Variants in ZMYM1 observed in about 807,000 individuals in gnomAD.
ZMYM1 encodes zinc finger MYM-type containing 1.
Under a neutral mutation model 60.0 loss-of-function variants are expected in ZMYM1, and 39 were observed. That is an observed-to-expected ratio of 0.65 (90% CI 0.50 to 0.85). The LOEUF (loss-of-function observed/expected upper bound fraction) is 0.85, where lower values mean the gene tolerates loss of function less well. ZMYM1 is among the 40% of genes least tolerant of loss of function. The pLI, the probability that ZMYM1 is intolerant of heterozygous loss-of-function variation, is 0.00. For missense variants in ZMYM1, 1,171 were observed against 1,309.5 expected (o/e 0.89, Z 1.63); for synonymous variants, 413 against 454.0 (o/e 0.91, Z 1.15).
chr1:35,065,233 C>T (rs1482817234), intron 1 of ZMYM1, among the ~76,000 whole-genome samples: 2 of 151,676 alleles, frequency 1.3e-5, no homozygotes, highest in Admixed American at 1.3e-4. Flanking sequence ...ACAACCTACT[C>T]TGCCTGAAGA....
chr1:35,110,222 G>T, intron 6 of ZMYM1, 72 bp from the exon 7 acceptor site: 1 of 1,137,774 alleles, frequency 8.8e-7, no homozygotes, highest in Non-Finnish European at 1.2e-6. Flanking sequence ...TAAAAGCAGT[G>T]GTAATAGGTT....
intron 1 of ZMYM1, among the ~76,000 whole-genome samples, chr1:35,088,096 C>T (rs1303352151): frequency 6.6e-6 from 1 of 151,240 alleles, no homozygotes; most frequent in Admixed American, 6.6e-5. Context: ...GTTGTCTGCT[C>T]TTATCATATT....
At chr1:35,079,234 G>C (rs907147826), upstream of ZMYM1, 2 of 152,142 alleles carry the variant, frequency 1.3e-5, 1 homozygote, top group East Asian at 3.9e-4. Context: ...GATCCTATGC[G>C]GGCCGTAAGG....
intron 1 of ZMYM1, among the ~76,000 whole-genome samples, chr1:35,063,609 TA>T (rs1641913978): frequency 1.3e-5 from 2 of 152,248 alleles, no homozygotes; most frequent in South Asian, 4.2e-4. Flanking sequence ...AGCTTCTATC[TA>T]AATTCTATCG....
chr1:35,066,434 G>C (rs746987199), intron 1 of ZMYM1, among the ~76,000 whole-genome samples: 17 of 152,174 alleles, frequency 1.1e-4, no homozygotes, highest in African/African-American at 1.7e-4. Context: ...CTGATCTCAG[G>C]TGATCCACCT....
intron 4 of ZMYM1, among the ~76,000 whole-genome samples, chr1:35,099,400 G>A (rs933362898): frequency 6.6e-6 from 1 of 152,240 alleles, no homozygotes; most frequent in Admixed American, 6.5e-5. Context: ...ATCTTCAGCA[G>A]ATGTCCCAGA....
intron 1 of ZMYM1, among the ~76,000 whole-genome samples, chr1:35,091,492 C>T (rs1353020045): frequency 6.6e-6 from 1 of 152,072 alleles, no homozygotes; most frequent in African/African-American, 2.4e-5. Flanking sequence ...GGATTACAGG[C>T]GTGAGCCACT....
At chr1:35,094,149 G>A (rs1366199346) in intron 2 of ZMYM1, 66 bp downstream of exon 2, 19 of 1,394,556 alleles carry the variant, frequency 1.4e-5, no homozygotes, top group Non-Finnish European at 1.4e-5. Flanking sequence ...TAGTTACAAA[G>A]GTGCTGAAAT....
chr1:35,072,957 C>G (rs1432701462), intron 1 of ZMYM1, among the ~76,000 whole-genome samples: 2 of 152,022 alleles, frequency 1.3e-5, no homozygotes, highest in African/African-American at 4.8e-5. Flanking sequence ...TGGTGGGAGC[C>G]TATAGTCCCA....
At chr1:35,077,452 C>T (rs749794749), upstream of ZMYM1, among the ~76,000 whole-genome samples, 1 of 152,138 alleles carries the variant, frequency 6.6e-6, no homozygotes, top group African/African-American at 2.4e-5. Context: ...GACTAGACTG[C>T]CTTTATAAGA....
intron 6 of ZMYM1, among the ~76,000 whole-genome samples, chr1:35,109,624 A>G (rs895654526): frequency 5.9e-5 from 9 of 152,150 alleles, no homozygotes; most frequent in Non-Finnish European, 1.3e-4. Flanking sequence ...GCATCGGTAG[A>G]CATCTTCCCA....
At chr1:35,088,454 A>ATATATATATGTGTGTGTGTGTGTG (rs1464546786) in intron 1 of ZMYM1, among the ~76,000 whole-genome samples, 1 of 107,284 alleles carries the variant, frequency 9.3e-6, no homozygotes, top group African/African-American at 4.3e-5. Context: ...ATATATATAT[A>ATATATATATGTGTGTGTGTGTGTG]TGTGTGTGTG....
At chr1:35,070,927 C>T (rs1168219859) in intron 1 of ZMYM1, among the ~76,000 whole-genome samples, 1 of 151,918 alleles carries the variant, frequency 6.6e-6, no homozygotes, top group Non-Finnish European at 1.5e-5. Context: ...CTCTGTTGCC[C>T]AGGTTGGAGT....
At chr1:35,087,400 A>G (rs973954166) in intron 1 of ZMYM1, among the ~76,000 whole-genome samples, 12 of 150,246 alleles carry the variant, frequency 8.0e-5, no homozygotes, top group East Asian at 4.0e-4. Flanking sequence ...CTATATGTGT[A>G]TCTGGAAATA....
upstream of ZMYM1, among the ~76,000 whole-genome samples, chr1:35,076,945 AAAAAAG>A (rs201281418): frequency 0.068 from 10,298 of 151,290 alleles, 642 homozygotes; most frequent in East Asian, 0.37. Context: ...CAAAAAAAAA[AAAAAAG>A]AAAAGAAAAG....
At chr1:35,112,018 A>T in intron 8 of ZMYM1, 69 bp from the exon 9 acceptor site, 1 of 1,561,932 alleles carries the variant, frequency 6.4e-7, no homozygotes, top group East Asian at 2.3e-5. Context: ...AAATAAGCAA[A>T]TATAGTTTAT....
At chr1:35,085,741 T>C (rs1043243120) in intron 1 of ZMYM1, among the ~76,000 whole-genome samples, 1 of 152,204 alleles carries the variant, frequency 6.6e-6, no homozygotes, top group East Asian at 1.9e-4. Flanking sequence ...CTAGCTCTAA[T>C]AGGGAATTAT....
intron 1 of ZMYM1, among the ~76,000 whole-genome samples, chr1:35,070,255 A>C (rs1642043230): frequency 6.6e-6 from 1 of 151,994 alleles, no homozygotes; most frequent in African/African-American, 2.4e-5. Context: ...GGTATTTTTC[A>C]ATTTCTTTCA....
intron 1 of ZMYM1, among the ~76,000 whole-genome samples, chr1:35,064,108 G>A (rs193003562): frequency 2.0e-4 from 30 of 152,046 alleles, no homozygotes; most frequent in South Asian, 6.2e-4. Context: ...GGTGGATCAC[G>A]AGGTCAGGAG....
Sources: gnomAD v4.1 joint callset for allele counts (sites outside exome capture counted in the v4.1 genomes callset) on GRCh38, gnomAD v4.1.1 for gene constraint, MANE v1.5 for transcripts, NCBI Gene and HGNC (gene_info 2026-07-23, HGNC 2026-07-21) for gene names.